Variants in PDE3B observed in about 807,000 individuals in gnomAD.
The protein encoded by PDE3B is phosphodiesterase 3B.
PDE3B carries 66 observed loss-of-function variants against 116.8 expected under a neutral mutation model. The ratio of observed to expected loss-of-function variants is 0.56; its 90% CI spans 0.46 to 0.69. The LOEUF (loss-of-function observed/expected upper bound fraction) is 0.69. Ranked by LOEUF, PDE3B falls within the 30% of genes least tolerant of loss-of-function variation. PDE3B has a pLI of 0.00. For synonymous variants in PDE3B, 595 were observed against 533.6 expected (o/e 1.12, Z -1.59); for missense variants, 1,384 against 1,368.1 (o/e 1.01, Z -0.18).
chr11:14,756,015 C>G (rs1857171861), intron 1 of PDE3B, among the ~76,000 whole-genome samples: 1 of 152,250 alleles, frequency 6.6e-6, no homozygotes, highest in East Asian at 1.9e-4. Context: ...TTTACTCCAA[C>G]TTAACCCATT....
chr11:14,884,102 C>T, the PDE3B span, among the ~76,000 whole-genome samples: 2 of 151,990 alleles, frequency 1.3e-5, no homozygotes, highest in East Asian at 2.0e-4. Flanking sequence ...ACTAGTTCAA[C>T]CATTGTGGAA....
At chr11:14,866,301 T>C (rs1590203992) in intron 14 of PDE3B, among the ~76,000 whole-genome samples, 1 of 152,236 alleles carries the variant, frequency 6.6e-6, no homozygotes, top group African/African-American at 2.4e-5. Context: ...CTCCCACTTA[T>C]GAAAGTTTTA....
At chr11:14,888,583 T>TTTTTCTCTCTGC in the PDE3B span, among the ~76,000 whole-genome samples, 1 of 152,302 alleles carries the variant, frequency 6.6e-6, no homozygotes, top group Admixed American at 6.5e-5. Flanking sequence ...TGGGGCACTC[T>TTTTTCTCTCTGC]TTTTCTCTCT....
intron 9 of PDE3B, among the ~76,000 whole-genome samples, chr11:14,832,447 A>G (rs1307843700): frequency 6.6e-6 from 1 of 152,206 alleles, no homozygotes; most frequent in Admixed American, 6.5e-5. Flanking sequence ...CCTTCAGTAA[A>G]TTAGGAATAA....
At chr11:14,887,697 C>A in the PDE3B span, 13 of 960,462 alleles carry the variant, frequency 1.4e-5, no homozygotes, top group Non-Finnish European at 1.6e-5. Context: ...CATAATTTTT[C>A]ACTCTCCCAG....
At chr11:14,677,507 A>C (rs1183965956) in intron 1 of PDE3B, among the ~76,000 whole-genome samples, 1 of 152,212 alleles carries the variant, frequency 6.6e-6, no homozygotes, top group African/African-American at 2.4e-5. Flanking sequence ...CTCGAATCTT[A>C]AGTATTTACC....
intron 5 of PDE3B, among the ~76,000 whole-genome samples, chr11:14,810,908 C>T (rs1242086833): frequency 2.7e-5 from 4 of 146,722 alleles, no homozygotes; most frequent in Non-Finnish European, 6.0e-5. Context: ...TTGCATTTCT[C>T]GGATGGCCAG....
At chr11:14,892,702 A>G in the PDE3B span, among the ~76,000 whole-genome samples, 1 of 152,250 alleles carries the variant, frequency 6.6e-6, no homozygotes, top group African/African-American at 2.4e-5. Context: ...ATCAGTAGTA[A>G]AAGAAAGTAA....
At chr11:14,685,860 C>T (rs555027089) in intron 1 of PDE3B, among the ~76,000 whole-genome samples, 17 of 152,110 alleles carry the variant, frequency 1.1e-4, no homozygotes, top group African/African-American at 1.7e-4. Flanking sequence ...TCATTCCAAA[C>T]GACTTGAAGT....
At chr11:14,690,302 T>A (rs1191980768) in intron 1 of PDE3B, among the ~76,000 whole-genome samples, 2 of 152,226 alleles carry the variant, frequency 1.3e-5, no homozygotes, top group African/African-American at 4.8e-5. Flanking sequence ...ACTAAAAGTT[T>A]ATGACATTAC....
chr11:14,858,216 C>G (rs1847884321), intron 12 of PDE3B, among the ~76,000 whole-genome samples: 1 of 152,162 alleles, frequency 6.6e-6, no homozygotes, highest in Non-Finnish European at 1.5e-5. Flanking sequence ...TCCATGAAAA[C>G]AGGGATAGGG....
chr11:14,891,622 C>G, the PDE3B span: 1 of 1,078,562 alleles, frequency 9.3e-7, no homozygotes, highest in Non-Finnish European at 1.1e-6. Flanking sequence ...CGCAAGACGC[C>G]CGCACCTGAG....
chr11:14,711,361 G>C (rs1192338257), intron 1 of PDE3B, among the ~76,000 whole-genome samples: 3 of 152,166 alleles, frequency 2.0e-5, no homozygotes, highest in African/African-American at 7.2e-5. Flanking sequence ...GAGAGGACTA[G>C]AAAGGTATAT....
At chr11:14,873,196 G>T (rs1555009300), downstream of PDE3B, among the ~76,000 whole-genome samples, 1 of 152,166 alleles carries the variant, frequency 6.6e-6, no homozygotes, top group Non-Finnish European at 1.5e-5. Context: ...TAACCAATCA[G>T]TTTTTATTTT....
chr11:14,790,077 G>A (rs2133919939), intron 4 of PDE3B, among the ~76,000 whole-genome samples: 1 of 152,124 alleles, frequency 6.6e-6, no homozygotes, highest in South Asian at 2.1e-4. Flanking sequence ...TGAAACAGTA[G>A]ATGGCAGGAT....
intron 1 of PDE3B, among the ~76,000 whole-genome samples, chr11:14,764,940 G>A (rs1375687151): frequency 1.3e-5 from 2 of 151,142 alleles, no homozygotes; most frequent in African/African-American, 4.9e-5. Context: ...AGGGTTCAAG[G>A]TTAATATCTT....
chr11:14,683,193 G>A (rs781002782), intron 1 of PDE3B, among the ~76,000 whole-genome samples: 1 of 152,128 alleles, frequency 6.6e-6, no homozygotes, highest in Non-Finnish European at 1.5e-5. Flanking sequence ...GCCTGCCTTG[G>A]CCTCCCAGAG....
At chr11:14,851,963 G>T (rs917412493) in intron 12 of PDE3B, among the ~76,000 whole-genome samples, 1 of 152,186 alleles carries the variant, frequency 6.6e-6, no homozygotes, top group Non-Finnish European at 1.5e-5. Context: ...CATATGGAAG[G>T]TTTTATACTG....
chr11:14,832,581 T>A, intron 9 of PDE3B, 141 bp from the exon 10 acceptor site: 1 of 403,966 alleles, frequency 2.5e-6, no homozygotes, highest in East Asian at 4.0e-5. Context: ...GAATTAATTG[T>A]AGGCAAGTTT....
Sources: gnomAD v4.1 joint callset for allele counts (sites outside exome capture counted in the v4.1 genomes callset) on GRCh38, gnomAD v4.1.1 for gene constraint, MANE v1.5 for transcripts, NCBI Gene and HGNC (gene_info 2026-07-23, HGNC 2026-07-21) for gene names.